Variants in CNTNAP2 observed in about 807,000 individuals in gnomAD.
CNTNAP2 encodes contactin associated protein 2, also known as contactin-associated protein-like 2.
CNTNAP2 carries 98 observed loss-of-function variants against 155.2 expected under a neutral mutation model. The observed-to-expected ratio is 0.63, with a 90% CI of 0.54 to 0.75. CNTNAP2 has a LOEUF of 0.75. Ranked by LOEUF, CNTNAP2 falls within the 30% of genes least tolerant of loss-of-function variation. The pLI, the probability that CNTNAP2 is intolerant of heterozygous loss-of-function variation, is 0.00. For missense variants in CNTNAP2, 1,727 were observed against 1,688.1 expected, an observed-to-expected ratio of 1.02 and a Z score of -0.40; for synonymous variants, 651 against 631.2, an observed-to-expected ratio of 1.03 and a Z score of -0.47.
At chr7:148,399,399 T>C (rs1183796786) in intron 22 of CNTNAP2, among the ~76,000 whole-genome samples, 1 of 152,160 alleles carries the variant, frequency 6.6e-6, no homozygotes, top group African/African-American at 2.4e-5. Context: ...CTGAGCAACA[T>C]AGCAAGACCC....
chr7:148,099,421 T>TTGTGTGTGTGTGTGTGTG lies in CNTNAP2; in HGVS notation c.2384-18675_2384-18658dup, dbSNP rs35957905. The stretch of plus-strand genomic sequence containing the variant: ...TCCTTGCAAGAAAAAAGCATTGCAA[T>TTGTGTGTGTGTGTGTGTG]TGTGTGTGTGTGTGTGTGTGTGTGT... On this transcript the variant is annotated intron_variant, in intron 15 of 23. Coordinates refer to ENST00000361727, the MANE Select transcript of CNTNAP2 (RefSeq NM_014141.6). 1.3e-3 allele frequency among the ~76,000 whole-genome samples: 186 copies of TTGTGTGTGTGTGTGTGTG among 141,034 alleles called. 3 individuals carry two copies. The highest frequency in any genetic ancestry group is 5.4e-3 in the East Asian group (25 of 4,664). 92.5% of individuals were successfully genotyped at this position (141,034 alleles called of 152,430 possible).
intron 1 of CNTNAP2, among the ~76,000 whole-genome samples, chr7:146,682,644 A>T (rs926587816): frequency 6.6e-6 from 1 of 152,206 alleles, no homozygotes; most frequent in Admixed American, 6.5e-5. Flanking sequence ...CAAGCAAAAG[A>T]TCTAATGTAA....
chr7:146,464,171 T>C (rs1355271139), intron 1 of CNTNAP2, among the ~76,000 whole-genome samples: 1 of 148,358 alleles, frequency 6.7e-6, no homozygotes, highest in Non-Finnish European at 1.5e-5. Context: ...TTGCTCAATG[T>C]CTTTCCTTTG....
chr7:147,270,778 G>A (rs1320270095), intron 8 of CNTNAP2, among the ~76,000 whole-genome samples: 1 of 152,192 alleles, frequency 6.6e-6, no homozygotes, highest in East Asian at 1.9e-4. Context: ...CTGGTAAGCT[G>A]TCTCTTTGAA....
At chr7:146,901,662 G>A (rs1049123169) in intron 3 of CNTNAP2, among the ~76,000 whole-genome samples, 1 of 152,044 alleles carries the variant, frequency 6.6e-6, no homozygotes, top group Admixed American at 6.5e-5. Flanking sequence ...AAATCCAAAG[G>A]AAATATCAGT....
At chr7:148,176,209 CTCTTTTTT>C (rs1390238819) in intron 18 of CNTNAP2, among the ~76,000 whole-genome samples, 2 of 123,244 alleles carry the variant, frequency 1.6e-5, no homozygotes, top group Non-Finnish European at 3.3e-5. Flanking sequence ...TTCTTTCTTT[CTCTTTTTT>C]TTTTTTTTTT....
At chr7:147,589,596 G>T (rs139868494) in intron 12 of CNTNAP2, among the ~76,000 whole-genome samples, 48 of 152,152 alleles carry the variant, frequency 3.2e-4, no homozygotes, top group Non-Finnish European at 5.3e-4. Flanking sequence ...TTTATAAAAT[G>T]TGTATCATGC....
chr7:147,393,934 AAAG>A (rs1380483466), intron 9 of CNTNAP2, among the ~76,000 whole-genome samples: 8 of 152,094 alleles, frequency 5.3e-5, no homozygotes, highest in African/African-American at 1.4e-4. Flanking sequence ...ATGAAGAGAA[AAAG>A]AAGATTTCTG....
intron 21 of CNTNAP2, among the ~76,000 whole-genome samples, chr7:148,349,196 G>C (rs545966796): frequency 6.6e-6 from 1 of 152,232 alleles, no homozygotes; most frequent in African/African-American, 2.4e-5. Flanking sequence ...TAGTATGATA[G>C]AGAGTGATCA....
chr7:147,004,550 G>A (rs759520539), intron 3 of CNTNAP2, among the ~76,000 whole-genome samples: 3 of 151,980 alleles, frequency 2.0e-5, no homozygotes, highest in Non-Finnish European at 4.4e-5. Flanking sequence ...TGGCAAGTGG[G>A]GAAGAGAAAT....
intron 1 of CNTNAP2, among the ~76,000 whole-genome samples, chr7:146,727,011 A>G (rs1801441576): frequency 1.3e-5 from 2 of 152,076 alleles, no homozygotes; most frequent in Admixed American, 1.3e-4. Context: ...GGGATAAGGA[A>G]GAGATTGATT....
chr7:147,432,677 C>T (rs1467181103), intron 10 of CNTNAP2, among the ~76,000 whole-genome samples: 2 of 152,184 alleles, frequency 1.3e-5, no homozygotes, highest in African/African-American at 4.8e-5. Flanking sequence ...CTCCCAACCA[C>T]AGTCACAGTG....
intron 3 of CNTNAP2, among the ~76,000 whole-genome samples, chr7:146,935,108 C>A (rs886771838): frequency 1.3e-5 from 2 of 152,162 alleles, no homozygotes; most frequent in African/African-American, 2.4e-5. Context: ...CCCATTGGAA[C>A]CTTTAAGGTA....
chr7:147,062,911 G>C (rs1350506641), intron 4 of CNTNAP2, among the ~76,000 whole-genome samples: 3 of 152,158 alleles, frequency 2.0e-5, no homozygotes, highest in African/African-American at 7.2e-5. Context: ...TTTCCAGAAG[G>C]AGTTGCCTTC....
intron 13 of CNTNAP2, among the ~76,000 whole-genome samples, chr7:147,798,426 T>C (rs776660036): frequency 6.6e-5 from 10 of 152,210 alleles, no homozygotes; most frequent in Non-Finnish European, 1.3e-4. Flanking sequence ...AAAAAGCTGT[T>C]CAGAGGTAAG....
At chr7:147,134,674 C>T (rs1801443347) in intron 8 of CNTNAP2, among the ~76,000 whole-genome samples, 1 of 151,716 alleles carries the variant, frequency 6.6e-6, no homozygotes, top group Non-Finnish European at 1.5e-5. Context: ...GACATAATTT[C>T]CTCTGTCTTT....
At chr7:147,238,397 G>A (rs1010734047) in intron 8 of CNTNAP2, among the ~76,000 whole-genome samples, 7 of 135,416 alleles carry the variant, frequency 5.2e-5, no homozygotes, top group Middle Eastern at 3.7e-3. Flanking sequence ...ACAAATATGT[G>A]TGCAGACACA....
chr7:147,732,397 T>C (rs1796758453), intron 13 of CNTNAP2, among the ~76,000 whole-genome samples: 1 of 152,304 alleles, frequency 6.6e-6, no homozygotes, highest in African/African-American at 2.4e-5. Context: ...TAGTATTCCA[T>C]GGTGTATATG....
chr7:148,380,157 GTTTCCCCCACAAATAACACC>G (rs1287226269), intron 21 of CNTNAP2, among the ~76,000 whole-genome samples: 1 of 143,920 alleles, frequency 6.9e-6, no homozygotes, highest in Non-Finnish European at 1.5e-5. Context: ...TTTAAAGCAA[GTTTCCCCCACAAATAACACC>G]TTACCCAAGA....
Sources: gnomAD v4.1 joint callset for allele counts (sites outside exome capture counted in the v4.1 genomes callset) on GRCh38, gnomAD v4.1.1 for gene constraint, MANE v1.5 for transcripts, NCBI Gene and HGNC (gene_info 2026-07-23, HGNC 2026-07-21) for gene names.